TRMU: variants seen among roughly 807,000 people sequenced by gnomAD.
The protein encoded by TRMU is tRNA mitochondrial 2-thiouridylase.
TRMU carries 49 observed loss-of-function variants against 46.9 expected under a neutral mutation model. The ratio of observed to expected loss-of-function variants is 1.05; its 90% CI spans 0.83 to 1.33. The LOEUF (loss-of-function observed/expected upper bound fraction) is 1.33, where lower values mean the gene tolerates loss of function less well. Ranked by LOEUF, TRMU falls within the 40% of genes most tolerant of loss-of-function variation. TRMU has a pLI of 0.00. For missense variants in TRMU, 572 were observed against 532.4 expected, an observed-to-expected ratio of 1.07 and a Z score of -0.73; for synonymous variants, 241 against 200.9, an observed-to-expected ratio of 1.20 and a Z score of -1.69.
chr22:46,349,774 A>C lies in TRMU; in HGVS notation c.479-517A>C, dbSNP rs907225930. Among the ~76,000 whole-genome samples, 1 of 152,202 alleles carries C rather than the reference A, an allele frequency of 6.6e-6. No individual in the cohort carries two copies. The highest frequency in any genetic ancestry group is 1.5e-5 in the Non-Finnish European group (1 of 68,032). On this transcript the variant is annotated intron_variant, in intron 4 of 10. Coordinates refer to ENST00000645190, the MANE Select transcript of TRMU (RefSeq NM_018006.5). The surrounding 1 kb of genome is among the most constrained non-coding windows in gnomAD (Gnocchi z 4.6). ...AAAAAACGTTTTTACCAAGAAAGCTAATGCCTTCACAGGTAGGGCGCTGCT... is the reference window on the plus strand; with the variant it reads ...AAAAAACGTTTTTACCAAGAAAGCTCATGCCTTCACAGGTAGGGCGCTGCT...
Position 46,351,927 on chromosome 22 carries a change from T to G in TRMU, c.652-194T>G. On this transcript the variant is annotated intron_variant, in intron 5 of 10. Coordinates refer to ENST00000645190, the MANE Select transcript of TRMU (RefSeq NM_018006.5). The surrounding 1 kb of genome is among the most constrained non-coding windows in gnomAD (Gnocchi z 6.4). ...CCCCGCGGGCCGAGACAATGAGGCG[T>G]TCTCTAAGGCTCTGGCATCGTGTGC... 1 of 725,156 alleles carries G rather than the reference T, an allele frequency of 1.4e-6. No homozygotes were observed. The highest frequency in any genetic ancestry group is 2.5e-6 in the Non-Finnish European group (1 of 400,674). 44.9% of individuals were successfully genotyped at this position (725,156 alleles called of 1,614,324 possible). A position where few individuals can be genotyped will look rare whatever the true frequency, so the allele number is the denominator to read the frequency against.
rs918841797 is a variant in TRMU, at chr22:46,348,104, A to G, written c.478+1560A>G. ...AGACAGCCCCCCATTTCAGGAAGAC[A>G]TGGGTTGGAATGCAGAGTCCTGCCA... On this transcript the variant is annotated intron_variant, in intron 4 of 10. Coordinates refer to ENST00000645190, the MANE Select transcript of TRMU (RefSeq NM_018006.5). The surrounding 1 kb of genome is among the most constrained non-coding windows in gnomAD (Gnocchi z 4.8). Among the ~76,000 whole-genome samples, 1 of 151,950 alleles carries G rather than the reference A, an allele frequency of 6.6e-6. No individual in the cohort carries two copies. Among genetic ancestry groups the G allele is most frequent in the African/African-American group, 2.4e-5 (1 of 41,384 alleles).
At position 46,350,281 on chromosome 22, in the gene TRMU, T is replaced by C. The variant is rs202070165; in HGVS notation, c.479-10T>C. ...TTCCTGCATCGTCTTTTGTTCTTTA[T>C]TCTTGGCAGCGGTAAAACTCCTCCA... On this transcript the variant is annotated splice_polypyrimidine_tract_variant and intron_variant, in intron 4 of 10. Transcript: ENST00000645190. This position sits in a 1 kb window ranked among gnomAD's most constrained non-coding sequence, Gnocchi z 4.6. The C allele has an allele frequency of 2.1e-4, 347 of 1,614,206 alleles. No homozygotes were observed. Among genetic ancestry groups the C allele is most frequent in the Middle Eastern group, 4.9e-4 (3 of 6,062 alleles).
In TRMU at chr22:46,342,601, G is replaced by C. The variant is rs1401878444; in HGVS notation, c.249-661G>C. On this transcript the variant is annotated intron_variant, in intron 2 of 10. Coordinates refer to ENST00000645190, the MANE Select transcript of TRMU (RefSeq NM_018006.5). This position sits in a 1 kb window ranked among gnomAD's most constrained non-coding sequence, Gnocchi z 4.7. ...GGAGGCTGAGGCAGGAGACTTGCTT[G>C]AGGCCTGGAGTTCAGTATCAGCATG... is the stretch of plus-strand genomic sequence containing the variant. Among the ~76,000 whole-genome samples, 1 of 152,194 alleles carries C rather than the reference G, an allele frequency of 6.6e-6. No homozygotes were observed. The highest frequency in any genetic ancestry group is 1.9e-4 in the East Asian group (1 of 5,192).
intron 10 of TRMU, chr22:46,356,484 A>G (rs1020716838): frequency 4.9e-6 from 2 of 412,162 alleles, no homozygotes; most frequent in Non-Finnish European, 4.5e-6. Flanking sequence ...GTGGGAGGGA[A>G]CCTGGGGTGA....
chr22:46,357,123 T>C lies in TRMU; in HGVS notation c.*117T>C. The stretch of plus-strand genomic sequence containing the variant: ...CTGCCCAAAGCAGAGGAAGCCGGGC[T>C]GGCTGAGGGTCCGAAAAGCCTGCAG... On this transcript the variant is annotated 3_prime_UTR_variant, in exon 11 of 11. Transcript: ENST00000645190. The C allele has an allele frequency of 1.4e-6, 2 of 1,458,876 alleles. No homozygotes were observed. Among genetic ancestry groups the C allele is most frequent in the Non-Finnish European group, 1.9e-6 (2 of 1,069,678 alleles). 90.4% of individuals were successfully genotyped at this position (1,458,876 alleles called of 1,614,324 possible).
At chr22:46,345,304 C>G (rs2078223294) in intron 3 of TRMU, among the ~76,000 whole-genome samples, 1 of 152,146 alleles carries the variant, frequency 6.6e-6, no homozygotes, top group Non-Finnish European at 1.5e-5. Context: ...AACTCCTGAC[C>G]TCAAGTGATC....
Position 46,339,097 on chromosome 22 carries a change from T to C in TRMU, c.248+1153T>C, listed in dbSNP as rs2078054458. 6.6e-6 allele frequency among the ~76,000 whole-genome samples: 1 copy of C among 152,182 alleles called. No individual in the cohort carries two copies. Among genetic ancestry groups the C allele is most frequent in the Non-Finnish European group, 1.5e-5 (1 of 68,032 alleles). ...GGTTATGAAAGAATTGAGATTAGGT[T>C]CTAGTATGTATGCCTGGTATATTAG... On this transcript the variant is annotated intron_variant, in intron 2 of 10. Coordinates refer to ENST00000645190, the MANE Select transcript of TRMU (RefSeq NM_018006.5). The surrounding 1 kb of genome is among the most constrained non-coding windows in gnomAD (Gnocchi z 4.8).
rs780987772 is a variant in TRMU at position 46,355,218 on chromosome 22, A to G, written c.874-226A>G. The stretch of plus-strand genomic sequence containing the variant: ...ACCCCTGCCTCTTGCCCACTCTGAC[A>G]TGGTACTTCCTTCCTGGGCCTTAGT... On this transcript the variant is annotated intron_variant, in intron 8 of 10. Transcript: ENST00000645190. 207 of 651,934 alleles carry G rather than the reference A, an allele frequency of 3.2e-4. 1 individual carries two copies. Among genetic ancestry groups the G allele is most frequent in the South Asian group, 4.4e-4 (24 of 53,986 alleles). 40.4% of individuals were successfully genotyped at this position (651,934 alleles called of 1,614,324 possible).
At position 46,335,857 on chromosome 22, in the gene TRMU, C is replaced by T; in HGVS notation, c.82+11C>T. 1.3e-6 allele frequency: 2 copies of T among 1,537,240 alleles called. No individual in the cohort carries two copies. The highest frequency in any genetic ancestry group is 2.5e-5 in the East Asian group (1 of 40,616). On this transcript the variant is annotated intron_variant, in intron 1 of 10. Transcript: ENST00000645190. Reference sequence around the variant, plus strand: ...TGCTGAGGCGGAGAGGTGAGGCGTCCGAGGCTCCCGCCCCCCGCCGAGCGA... The same window carrying T: ...TGCTGAGGCGGAGAGGTGAGGCGTCTGAGGCTCCCGCCCCCCGCCGAGCGA...
Position 46,351,881 on chromosome 22 carries a change from G to A in TRMU, c.652-240G>A. On this transcript the variant is annotated intron_variant, in intron 5 of 10. Coordinates refer to ENST00000645190, the MANE Select transcript of TRMU (RefSeq NM_018006.5). This position sits in a 1 kb window ranked among gnomAD's most constrained non-coding sequence, Gnocchi z 6.4. ...TCTTCCCCGGGGCAGCTGGTGTGAG[G>A]GTCTCCCGCGCAGGGTCAGACCCCG... The A allele has an allele frequency of 1.6e-6, 1 of 612,850 alleles. No individual in the cohort carries two copies. 38.0% of individuals were successfully genotyped at this position (612,850 alleles called of 1,614,324 possible).
In TRMU at chr22:46,349,959, T is replaced by G. The variant is rs930947991; in HGVS notation, c.479-332T>G. ...ACTAGCTTACTCCATTTTCCAAGAT[T>G]TGGCTGAATTTATTTTAGGTGTTTT... is the stretch of plus-strand genomic sequence containing the variant. On this transcript the variant is annotated intron_variant, in intron 4 of 10. Transcript: ENST00000645190. The surrounding 1 kb of genome is among the most constrained non-coding windows in gnomAD (Gnocchi z 4.6). 6.6e-6 allele frequency among the ~76,000 whole-genome samples: 1 copy of G among 151,764 alleles called. No individual in the cohort carries two copies. The highest frequency in any genetic ancestry group is 1.5e-5 in the Non-Finnish European group (1 of 68,024).
At position 46,342,987 on chromosome 22, in the gene TRMU, A is replaced by C. The variant is rs2078160596; in HGVS notation, c.249-275A>C. On this transcript the variant is annotated intron_variant, in intron 2 of 10. Transcript: ENST00000645190. The surrounding 1 kb of genome is among the most constrained non-coding windows in gnomAD (Gnocchi z 4.7). The stretch of plus-strand genomic sequence containing the variant: ...GAGGCAGGGTTTTAGTGAGACCCTC[A>C]CGGCCACTCCCCACTCCTGACCCCA... Among the ~76,000 whole-genome samples the C allele has an allele frequency of 6.6e-6, 1 of 152,114 alleles. No homozygotes were observed. Among genetic ancestry groups the C allele is most frequent in the African/African-American group, 2.4e-5 (1 of 41,412 alleles).
chr22:46,355,337 C>CTGTG lies in TRMU; in HGVS notation c.874-96_874-93dup. 9 of 1,453,340 alleles carry CTGTG rather than the reference C, an allele frequency of 6.2e-6. No individual in the cohort carries two copies. In the South Asian group the frequency reaches 7.3e-5, roughly 12 times the overall value. 90.0% of individuals were successfully genotyped at this position (1,453,340 alleles called of 1,614,324 possible). On this transcript the variant is annotated intron_variant, in intron 8 of 10. Coordinates refer to ENST00000645190, the MANE Select transcript of TRMU (RefSeq NM_018006.5). ...CTTCGAGCGGTGCCAGCACCGTTACCTGTGTGTGTGTGTGCTGGTAGGACA... is the reference window on the plus strand; with the variant it reads ...CTTCGAGCGGTGCCAGCACCGTTACCTGTGTGTGTGTGTGTGTGCTGGTAGGACA...
chr22:46,353,439 G>T (rs1480770543), intron 7 of TRMU: 1 of 360,872 alleles, frequency 2.8e-6, no homozygotes, highest in African/African-American at 2.1e-5. Flanking sequence ...CAGCAAGAAG[G>T]GCCCCTGGCG....
chr22:46,354,393 G>T, intron 8 of TRMU: 1 of 171,602 alleles, frequency 5.8e-6, no homozygotes, highest in Non-Finnish European at 1.3e-5. Flanking sequence ...AGGCATTTTT[G>T]GTTGTCACAG....
intron 2 of TRMU, among the ~76,000 whole-genome samples, chr22:46,340,641 G>A (rs1232196376): frequency 1.7e-5 from 2 of 120,010 alleles, no homozygotes; most frequent in African/African-American, 6.9e-5. Context: ...TAGGAGCGGA[G>A]CTGGGATTAA....
At position 46,337,865 on chromosome 22, in the gene TRMU, G is replaced by A. The variant is rs754287313; in HGVS notation, c.169G>A (p.Ala57Thr). 6 of 1,614,126 alleles carry A rather than the reference G, an allele frequency of 3.7e-6. No individual in the cohort carries two copies. In the Admixed American group the frequency reaches 1.0e-4, roughly 27 times the overall value. ...TACTGCCGACAAAGACTGTGAAGAT[G>A]CTTACAGAGTTTGCCAGATCTTAGA... is the stretch of plus-strand genomic sequence containing the variant. ...VCTADKDCEDAYRVCQILDIP... is the reference protein window; with the variant it reads ...VCTADKDCEDTYRVCQILDIP... The change falls in exon 2 of 11, where the codon GCT becomes ACT. Residue 57 changes from alanine to threonine, a missense_variant. Transcript: ENST00000645190.
At position 46,356,951 on chromosome 22, in the gene TRMU, C is replaced by T. The variant is rs760435544; in HGVS notation, c.1211C>T (p.Thr404Ile). The stretch of plus-strand genomic sequence containing the variant: ...GGCCAGCGCAGAGCTGGGATGGCCA[C>T]TGAGAGCCCCAGTGACAGCCCAGAA... ...QKGQRRAGMA[T>I]ESPSDSPEDG... The change falls in exon 11 of 11, where the codon ACT becomes ATT. Residue 404 changes from threonine (T) to isoleucine (I), a missense_variant. Coordinates refer to ENST00000645190, the MANE Select transcript of TRMU (RefSeq NM_018006.5). 16 of 1,613,564 alleles carry T rather than the reference C, an allele frequency of 9.9e-6. No homozygotes were observed. The Admixed American group carries it at 2.5e-4, about 25-fold the overall frequency.
Sources: allele counts gnomAD v4.1 joint callset (sites outside exome capture counted in the v4.1 genomes callset), GRCh38; gene constraint gnomAD v4.1.1; non-coding constraint Gnocchi (gnomAD v3.1); transcripts MANE v1.5; gene names NCBI Gene and HGNC (gene_info 2026-07-23, HGNC 2026-07-21).